The following GABRD variants were observed in gnomAD, a reference collection of about 807,000 sequenced individuals.
GABRD encodes gamma-aminobutyric acid receptor subunit delta.
In GABRD, 25 loss-of-function variants were observed where a neutral mutation model predicts 47.3. The observed-to-expected ratio is 0.53, with a 90% CI of 0.39 to 0.74. The LOEUF (loss-of-function observed/expected upper bound fraction) is 0.74, where lower values mean the gene tolerates loss of function less well. Among genes scored for constraint, GABRD ranks in the 30% least tolerant of loss-of-function variants. The pLI is 0.00. For synonymous variants in GABRD, 314 were observed against 278.8 expected, an observed-to-expected ratio of 1.13 and a Z score of -1.26; for missense variants, 497 against 643.4, an observed-to-expected ratio of 0.77 and a Z score of 2.46.
At chr1:2,027,369 A>C (rs913225826) in intron 4 of GABRD, 1 of 611,364 alleles carries the variant, frequency 1.6e-6, no homozygotes, top group East Asian at 2.9e-5. Flanking sequence ...GAATGAATGA[A>C]ATCCAGTTCT....
chr1:2,029,733 A>G lies in GABRD; in HGVS notation c.1030A>G (p.Lys344Glu). 6.2e-7 allele frequency: 1 copy of G among 1,613,202 alleles called. No homozygotes were observed. The highest frequency in any genetic ancestry group is 1.1e-5 in the South Asian group (1 of 91,084). Reference sequence around the variant, plus strand: ...CGACTACAGGAAGAAGCAGAAGGCCAAGGTCAAGGTCTCCAGGCCGAGGGC... The same window carrying G: ...CGACTACAGGAAGAAGCAGAAGGCCGAGGTCAAGGTCTCCAGGCCGAGGGC... ...NADYRKKQKA[K>E]VKVSRPRAEM... The change falls in exon 8 of 9, where the codon AAG becomes GAG. Residue 344 changes from lysine (K) to glutamate (E), a missense_variant. Physicochemically the swap from Lys to Glu is moderately conservative, Grantham distance 56 (BLOSUM62 1). Coordinates refer to ENST00000378585, the MANE Select transcript of GABRD (RefSeq NM_000815.5).
Position 2,025,350 on chromosome 1 carries a change from G to A in GABRD, c.198G>A (p.Val66=). ...RPGIGGPPVN[V]ALALEVASID... The stretch of plus-strand genomic sequence containing the variant: ...TCCTTGCAGGCCCCCCCGTGAATGT[G>A]GCCCTTGCCCTGGAGGTGGCCAGCA... Residue 66 remains valine (V), a synonymous_variant, in exon 3 of 9, where the codon GTG becomes GTA. Transcript: ENST00000378585. 1 of 1,613,162 alleles carries A rather than the reference G, an allele frequency of 6.2e-7. No individual in the cohort carries two copies. The highest frequency in any genetic ancestry group is 1.3e-5 in the African/African-American group (1 of 75,064).
Position 2,028,459 on chromosome 1 carries a change from G to A in GABRD, c.691+167G>A, listed in dbSNP as rs1164529885. Among the ~76,000 whole-genome samples, 2 of 152,088 alleles carry A rather than the reference G, an allele frequency of 1.3e-5. No homozygotes were observed. Among genetic ancestry groups the A allele is most frequent in the Admixed American group, 6.5e-5 (1 of 15,274 alleles). The stretch of plus-strand genomic sequence containing the variant: ...CCCCAGGGCCTCTGGGGATGCAGCT[G>A]GGACGCTGCTGCCTTAGGAACTTGC... On this transcript the variant is annotated intron_variant, in intron 6 of 8. Coordinates refer to ENST00000378585, the MANE Select transcript of GABRD (RefSeq NM_000815.5). This position sits in a 1 kb window ranked among gnomAD's most constrained non-coding sequence, Gnocchi z 6.4.
intron 4 of GABRD, among the ~76,000 whole-genome samples, chr1:2,026,008 C>T (rs759431024): frequency 6.6e-6 from 1 of 152,262 alleles, no homozygotes. Context: ...GTGGAATTCA[C>T]ATAACATAAA....
chr1:2,023,960 CG>C (rs1658852605), intron 1 of GABRD: 1 of 152,222 alleles, frequency 6.6e-6, no homozygotes, highest in Non-Finnish European at 1.5e-5. Context: ...CCAGCTCCGG[CG>C]GTGGCTGGAA....
chr1:2,021,600 G>A (rs570637930), intron 1 of GABRD, among the ~76,000 whole-genome samples: 3 of 152,180 alleles, frequency 2.0e-5, no homozygotes, highest in African/African-American at 7.2e-5. Flanking sequence ...GGGTCGGCCC[G>A]GAGTGTGAAG....
Position 2,028,323 on chromosome 1 carries a change from TGCCCGCCGCCCCTTCCGCGCGC to T in GABRD, c.691+36_691+57del, listed in dbSNP as rs1432606925. The stretch of plus-strand genomic sequence containing the variant: ...ATATGCCCGCCGCCCCTTCCGCATG[TGCCCGCCGCCCCTTCCGCGCGC>T]GCCCACCGCCCCTTCCGCGCGCGCC... On this transcript the variant is annotated intron_variant, in intron 6 of 8. Transcript: ENST00000378585. This position sits in a 1 kb window ranked among gnomAD's most constrained non-coding sequence, Gnocchi z 6.4. The T allele has an allele frequency of 6.3e-7, 1 of 1,587,710 alleles. No individual in the cohort carries two copies. The highest frequency in any genetic ancestry group is 8.6e-7 in the Non-Finnish European group (1 of 1,166,408).
intron 1 of GABRD, among the ~76,000 whole-genome samples, chr1:2,023,400 G>A (rs898055752): frequency 1.3e-5 from 2 of 151,960 alleles, no homozygotes; most frequent in African/African-American, 4.8e-5. Context: ...GGGGTGCCTC[G>A]AGCCCAGGTC....
In GABRD at chr1:2,028,051, A is replaced by T; in HGVS notation, c.554-104A>T. 7.6e-7 allele frequency: 1 copy of T among 1,322,098 alleles called. No individual in the cohort carries two copies. Among genetic ancestry groups the T allele is most frequent in the Non-Finnish European group, 1.0e-6 (1 of 964,556 alleles). 81.9% of individuals were successfully genotyped at this position (1,322,098 alleles called of 1,614,324 possible). A position where few individuals can be genotyped will look rare whatever the true frequency, so the allele number is the denominator to read the frequency against. Reference sequence around the variant, plus strand: ...GGGGTCCTGCTCGGTCCCCATCACGATGGCGTCGGCCCCCTGCAGGCTTCC... The same window carrying T: ...GGGGTCCTGCTCGGTCCCCATCACGTTGGCGTCGGCCCCCTGCAGGCTTCC... On this transcript the variant is annotated intron_variant, in intron 5 of 8. Coordinates refer to ENST00000378585, the MANE Select transcript of GABRD (RefSeq NM_000815.5). The surrounding 1 kb of genome is among the most constrained non-coding windows in gnomAD (Gnocchi z 6.4).
Position 2,030,437 on chromosome 1 carries a change from C to A in GABRD, c.*155C>A. On this transcript the variant is annotated 3_prime_UTR_variant, in exon 9 of 9. Coordinates refer to ENST00000378585, the MANE Select transcript of GABRD (RefSeq NM_000815.5). The stretch of plus-strand genomic sequence containing the variant: ...GAAAACAAGAGGAAGCCTCGGCCTC[C>A]CTGAGCTCTGACCCCAGCCTCACCC... 1 of 661,400 alleles carries A rather than the reference C, an allele frequency of 1.5e-6. No homozygotes were observed. Among genetic ancestry groups the A allele is most frequent in the Non-Finnish European group, 2.3e-6 (1 of 429,500 alleles). The allele number at this position is 661,400 out of a possible 1,614,324, so 41.0% of individuals were successfully genotyped here.
chr1:2,027,820 AAAGCCT>A (rs1237634981), intron 5 of GABRD, 161 bp downstream of exon 5: 61 of 730,564 alleles, frequency 8.3e-5, no homozygotes, highest in Admixed American at 1.9e-4. Flanking sequence ...AAGGGGCCAG[AAAGCCT>A]GGAGCAGTCT....
At position 2,030,056 on chromosome 1, in the gene GABRD, G is replaced by A. The variant is rs749014692; in HGVS notation, c.1133G>A (p.Arg378His). ...AGVTQELAIS[R>H]RQRRVPGNLM... Reference sequence around the variant, plus strand: ...GTCACGCAGGAGCTGGCCATCTCCCGCCGGCAGCGCCGCGTCCCGGGGAAC... The same window carrying A: ...GTCACGCAGGAGCTGGCCATCTCCCACCGGCAGCGCCGCGTCCCGGGGAAC... The change falls in exon 9 of 9, where the codon CGC (arginine) becomes CAC (histidine). Residue 378 changes from arginine to histidine, a missense_variant. By Grantham distance (29) the Arg-to-His change is conservative. Coordinates refer to ENST00000378585, the MANE Select transcript of GABRD (RefSeq NM_000815.5). 1.6e-5 allele frequency: 25 copies of A among 1,611,292 alleles called. No homozygotes were observed. The highest frequency in any genetic ancestry group is 2.0e-5 in the Non-Finnish European group (23 of 1,179,318).
In GABRD at chr1:2,019,349, C is replaced by T; in HGVS notation, c.-75C>T. The T allele has an allele frequency of 1.2e-6, 1 of 832,932 alleles. No homozygotes were observed. The highest frequency in any genetic ancestry group is 1.2e-4 in the East Asian group (1 of 8,334). 51.6% of individuals were successfully genotyped at this position (832,932 alleles called of 1,614,324 possible). On this transcript the variant is annotated 5_prime_UTR_variant, in exon 1 of 9. Transcript: ENST00000378585. ...GCGCCCGCGCCGCGCTCGCTCAGCT[C>T]CCGCCCGCCTGTGCCGCCTGTGCGG...
At position 2,028,353 on chromosome 1, in the gene GABRD, G is replaced by A. The variant is rs568094046; in HGVS notation, c.691+61G>A. 678 of 1,468,794 alleles carry A rather than the reference G, an allele frequency of 4.6e-4. 6 individuals carry two copies. In the African/African-American group the frequency reaches 9.1e-3, roughly 20 times the overall value. 91.0% of individuals were successfully genotyped at this position (1,468,794 alleles called of 1,614,324 possible). A position where few individuals can be genotyped will look rare whatever the true frequency, so the allele number is the denominator to read the frequency against. On this transcript the variant is annotated intron_variant, in intron 6 of 8. Coordinates refer to ENST00000378585, the MANE Select transcript of GABRD (RefSeq NM_000815.5). This position sits in a 1 kb window ranked among gnomAD's most constrained non-coding sequence, Gnocchi z 6.4. Reference sequence around the variant, plus strand: ...GCCGCCCCTTCCGCGCGCGCCCACCGCCCCTTCCGCGCGCGCCCACCGCCC... The same window carrying A: ...GCCGCCCCTTCCGCGCGCGCCCACCACCCCTTCCGCGCGCGCCCACCGCCC...
intron 1 of GABRD, chr1:2,024,116 C>T (rs1658857740): frequency 6.6e-6 from 1 of 152,414 alleles, no homozygotes; most frequent in Non-Finnish European, 1.5e-5. Context: ...TAACTAATTA[C>T]CTCTGCAAAG....
chr1:2,021,804 G>T (rs1178744798), intron 1 of GABRD, among the ~76,000 whole-genome samples: 1 of 152,324 alleles, frequency 6.6e-6, no homozygotes, highest in African/African-American at 2.4e-5. Context: ...TGCTCTAAAA[G>T]CAGGGCTGTG....
chr1:2,025,051 G>C lies in GABRD; in HGVS notation c.178G>C (p.Gly60Arg). Residue 60 changes from glycine (G) to arginine (R), a missense_variant, in exon 2 of 9, where the codon GGA becomes CGA. Physicochemically the swap from Gly to Arg is moderately radical, Grantham distance 125. Around this residue, in one of 3 missense-constraint regions of GABRD, gnomAD observed 91 missense variants for 85.5 expected, o/e 1.06. Coordinates refer to ENST00000378585, the MANE Select transcript of GABRD (RefSeq NM_000815.5). ...CGCCCGCAACTTCCGGCCTGGCATC[G>C]GAGGTGAGGGGCGGTCCAGGCCCGG... ...GYARNFRPGI[G>R]GPPVNVALAL... is the part of the protein sequence containing the mutation. 6.2e-7 allele frequency: 1 copy of C among 1,611,260 alleles called. No individual in the cohort carries two copies. Among genetic ancestry groups the C allele is most frequent in the Non-Finnish European group, 8.5e-7 (1 of 1,178,710 alleles).
At chr1:2,029,866 T>TG (rs1659035213) in intron 8 of GABRD, 104 bp downstream of exon 8, 7 of 1,503,790 alleles carry the variant, frequency 4.7e-6, no homozygotes, top group Non-Finnish European at 6.5e-6. Context: ...TCCCTGAGCG[T>TG]GGGGGGCTGG....
At chr1:2,023,983 C>G (rs895037628) in intron 1 of GABRD, 3 of 152,276 alleles carry the variant, frequency 2.0e-5, no homozygotes, top group Admixed American at 2.0e-4. Flanking sequence ...CCCTGGCCTC[C>G]CCTGGCCTGT....
Sources: gnomAD v4.1 joint callset for allele counts (sites outside exome capture counted in the v4.1 genomes callset) on GRCh38, gnomAD v4.1.1 for gene constraint, gnomAD v4.1.1 regional missense constraint, Gnocchi (gnomAD v3.1) non-coding constraint, MANE v1.5 for transcripts, NCBI Gene and HGNC (gene_info 2026-07-23, HGNC 2026-07-21) for gene names.